The following AP3S1 variants were observed in gnomAD, a reference collection of about 807,000 sequenced individuals.
The protein encoded by AP3S1 is adaptor related protein complex 3 subunit sigma 1.
A neutral mutation model predicts 21.3 loss-of-function variants in AP3S1; 12 were observed. That is an observed-to-expected ratio of 0.56 (90% CI 0.36 to 0.91). The LOEUF is 0.91. Among genes scored for constraint, AP3S1 ranks in the 40% least tolerant of loss-of-function variants. The pLI, the probability that AP3S1 is intolerant of heterozygous loss-of-function variation, is 0.01. For synonymous variants in AP3S1, 48 were observed against 78.4 expected (o/e 0.61, Z 2.05); for missense variants, 116 against 225.0 (o/e 0.52, Z 3.10).
At chr5:115,866,288 T>C (rs1305294081) in intron 1 of AP3S1, among the ~76,000 whole-genome samples, 1 of 152,224 alleles carries the variant, frequency 6.6e-6, no homozygotes, top group Non-Finnish European at 1.5e-5. Context: ...CATTCAAATA[T>C]AGATTAGCTA....
intron 3 of AP3S1, among the ~76,000 whole-genome samples, chr5:115,892,652 A>T (rs1750412605): frequency 6.6e-6 from 1 of 152,132 alleles, no homozygotes; most frequent in African/African-American, 2.4e-5. Flanking sequence ...GTTGCTAGAG[A>T]CTTGGAAGGG....
intron 1 of AP3S1, among the ~76,000 whole-genome samples, chr5:115,849,242 A>G (rs773100944): frequency 7.2e-5 from 11 of 152,234 alleles, no homozygotes; most frequent in South Asian, 2.1e-4. Context: ...TCTGAAGACA[A>G]ATGAAACAGT....
At chr5:115,897,845 A>G (rs557610806) in intron 4 of AP3S1, among the ~76,000 whole-genome samples, 3 of 152,042 alleles carry the variant, frequency 2.0e-5, no homozygotes, top group South Asian at 4.1e-4. Context: ...TGCAGGTGTG[A>G]GCCACCACGC....
At chr5:115,911,104 T>C (rs1256921928) in intron 5 of AP3S1, among the ~76,000 whole-genome samples, 1 of 152,306 alleles carries the variant, frequency 6.6e-6, no homozygotes, top group East Asian at 1.9e-4. Context: ...TTATGTATTC[T>C]TGTTAGCAGC....
intron 1 of AP3S1, among the ~76,000 whole-genome samples, chr5:115,843,762 T>C (rs72802723): frequency 0.039 from 5,924 of 152,368 alleles, 182 homozygotes; most frequent in Non-Finnish European, 0.058. Context: ...TGTATACTAC[T>C]CGTATAGTGT....
At chr5:115,890,560 T>A (rs963592842) in intron 3 of AP3S1, among the ~76,000 whole-genome samples, 1 of 152,176 alleles carries the variant, frequency 6.6e-6, no homozygotes, top group Non-Finnish European at 1.5e-5. Context: ...AAAACATGAT[T>A]TGAGTGTTGA....
intron 3 of AP3S1, among the ~76,000 whole-genome samples, chr5:115,879,298 A>G (rs548922158): frequency 9.8e-5 from 15 of 152,344 alleles, no homozygotes; most frequent in African/African-American, 3.6e-4. Flanking sequence ...GAATGCTTCC[A>G]GCTTTTGCCC....
intron 3 of AP3S1, among the ~76,000 whole-genome samples, chr5:115,885,479 A>G (rs1187230992): frequency 1.3e-5 from 2 of 152,208 alleles, no homozygotes; most frequent in Non-Finnish European, 2.9e-5. Context: ...GAGGAACCAA[A>G]GGAAGCAATC....
intron 3 of AP3S1, among the ~76,000 whole-genome samples, chr5:115,871,237 A>G (rs1008214201): frequency 1.3e-5 from 2 of 152,194 alleles, no homozygotes; most frequent in Admixed American, 6.5e-5. Flanking sequence ...TCTGCTCACA[A>G]TACGTGTGGA....
intron 5 of AP3S1, among the ~76,000 whole-genome samples, chr5:115,904,935 T>C (rs1751511532): frequency 6.6e-6 from 1 of 152,188 alleles, no homozygotes; most frequent in African/African-American, 2.4e-5. Context: ...GTAAAAAATA[T>C]TGACCAGTTG....
rs549443377 is a variant in AP3S1 at position 115,871,889 on chromosome 5, A to G, written c.273+1761A>G. On this transcript the variant is annotated intron_variant, in intron 3 of 5. Transcript: ENST00000316788. ...CCTTGCTTCCCAGTGCACAGATAAA[A>G]TTGGCTTTTGAAGTTAGCAAGAAGG... Among the ~76,000 whole-genome samples the G allele has an allele frequency of 2.6e-5, 4 of 152,286 alleles. No homozygotes were observed. The South Asian group carries it at 8.3e-4, about 32-fold the overall frequency.
intron 3 of AP3S1, among the ~76,000 whole-genome samples, chr5:115,882,980 A>G (rs1319471573): frequency 6.6e-6 from 1 of 152,182 alleles, no homozygotes; most frequent in East Asian, 1.9e-4. Context: ...TTGAACTTCC[A>G]GGTGGGTTTG....
intron 3 of AP3S1, among the ~76,000 whole-genome samples, chr5:115,880,167 T>G (rs944079552): frequency 6.6e-6 from 1 of 152,170 alleles, no homozygotes; most frequent in African/African-American, 2.4e-5. Context: ...CTGGAGTCAT[T>G]GATTTTTTGA....
At chr5:115,860,917 G>A (rs1360589256) in intron 1 of AP3S1, among the ~76,000 whole-genome samples, 1 of 152,054 alleles carries the variant, frequency 6.6e-6, no homozygotes, top group Non-Finnish European at 1.5e-5. Context: ...TTATGTGTAA[G>A]GTAACCCAGA....
chr5:115,878,285 T>A (rs1007016879), intron 3 of AP3S1, among the ~76,000 whole-genome samples: 3 of 152,248 alleles, frequency 2.0e-5, no homozygotes, highest in African/African-American at 7.2e-5. Flanking sequence ...CATGCCTATG[T>A]CCTGAATGGT....
At chr5:115,850,495 T>TA (rs1382081096) in intron 1 of AP3S1, among the ~76,000 whole-genome samples, 11 of 152,318 alleles carry the variant, frequency 7.2e-5, no homozygotes, top group Admixed American at 5.9e-4. Context: ...AGAAACTTCT[T>TA]ACACATTAAA....
intron 1 of AP3S1, among the ~76,000 whole-genome samples, chr5:115,855,782 T>A (rs534634498): frequency 2.6e-4 from 39 of 152,334 alleles, no homozygotes; most frequent in Non-Finnish European, 5.1e-4. Context: ...GTCTTTGATC[T>A]TGGTAATCCT....
At chr5:115,909,972 A>G (rs1751964615) in intron 5 of AP3S1, among the ~76,000 whole-genome samples, 1 of 152,226 alleles carries the variant, frequency 6.6e-6, no homozygotes, top group Admixed American at 6.5e-5. Context: ...ATGCAATAAA[A>G]GTCATGTGAG....
Position 115,841,942 on chromosome 5 carries a change from G to A in AP3S1, c.-96G>A. 2 of 1,512,074 alleles carry A rather than the reference G, an allele frequency of 1.3e-6. No homozygotes were observed. The highest frequency in any genetic ancestry group is 2.6e-5 in the East Asian group (1 of 39,200). 93.7% of individuals were successfully genotyped at this position (1,512,074 alleles called of 1,614,324 possible). A position where few individuals can be genotyped will look rare whatever the true frequency, so the allele number is the denominator to read the frequency against. ...CGCGCGGTCGCGTGCGGGAGGGGGCGGGTGGGGAAGGATCGCAGGCGAGAT... is the reference window on the plus strand; with the variant it reads ...CGCGCGGTCGCGTGCGGGAGGGGGCAGGTGGGGAAGGATCGCAGGCGAGAT... On this transcript the variant is annotated 5_prime_UTR_variant, in exon 1 of 6. Transcript: ENST00000316788.
Sources: gnomAD v4.1 joint callset for allele counts (sites outside exome capture counted in the v4.1 genomes callset) on GRCh38, gnomAD v4.1.1 for gene constraint, MANE v1.5 for transcripts, NCBI Gene and HGNC (gene_info 2026-07-23, HGNC 2026-07-21) for gene names.